IGF2BP2: variants seen among roughly 807,000 people sequenced by gnomAD.
IGF2BP2 encodes insulin like growth factor 2 mRNA binding protein 2, also known as insulin-like growth factor 2 mRNA-binding protein 2.
In IGF2BP2, 17 loss-of-function variants were observed where a neutral mutation model predicts 75.8. The observed-to-expected ratio is 0.22, with a 90% CI of 0.15 to 0.34. IGF2BP2 has a LOEUF of 0.34. Ranked by LOEUF, IGF2BP2 falls within the 10% of genes least tolerant of loss-of-function variation. The pLI is 1.00. For missense variants in IGF2BP2, 516 were observed against 772.4 expected (o/e 0.67, Z 3.93); for synonymous variants, 288 against 295.6 (o/e 0.97, Z 0.26).
chr3:185,751,731 G>A lies in IGF2BP2; in HGVS notation c.240-53384C>T, dbSNP rs1486375583. ...TGTAATCCCAGCACTTTGGGAGGCC[G>A]AGACGGGCGGATCACGAGGTCAAGA... On this transcript the variant is annotated intron_variant, in intron 2 of 15. Coordinates refer to ENST00000382199, the MANE Select transcript of IGF2BP2 (RefSeq NM_006548.6). Among the ~76,000 whole-genome samples, 4 of 152,036 alleles carry A rather than the reference G, an allele frequency of 2.6e-5. No individual in the cohort carries two copies. The East Asian group carries it at 7.8e-4, about 29-fold the overall frequency.
chr3:185,683,177 T>C (rs891871438), intron 7 of IGF2BP2, among the ~76,000 whole-genome samples: 5 of 152,100 alleles, frequency 3.3e-5, no homozygotes, highest in Non-Finnish European at 7.4e-5. Flanking sequence ...CAAAGTAAAA[T>C]AAGCCAGTCA....
chr3:185,677,545 T>G (rs1719744653), intron 7 of IGF2BP2, among the ~76,000 whole-genome samples: 1 of 151,990 alleles, frequency 6.6e-6, no homozygotes, highest in Admixed American at 6.6e-5. Flanking sequence ...ACAAAAAAAC[T>G]TACTAGGCAT....
chr3:185,683,689 A>G (rs916999295), intron 7 of IGF2BP2, among the ~76,000 whole-genome samples: 7 of 152,158 alleles, frequency 4.6e-5, no homozygotes, highest in Non-Finnish European at 7.4e-5. Context: ...GATTACAGGC[A>G]TGAGACACCA....
chr3:185,678,877 T>A (rs932271006), intron 7 of IGF2BP2, among the ~76,000 whole-genome samples: 1 of 152,196 alleles, frequency 6.6e-6, no homozygotes, highest in African/African-American at 2.4e-5. Context: ...TTGTATAACG[T>A]CCCTCTTTGT....
rs144038198 is a variant in IGF2BP2, at chr3:185,714,357, A to G, written c.240-16010T>C. 1.3e-3 allele frequency among the ~76,000 whole-genome samples: 197 copies of G among 152,336 alleles called. 1 individual carries two copies. Among genetic ancestry groups the G allele is most frequent in the African/African-American group, 4.2e-3 (173 of 41,578 alleles). On this transcript the variant is annotated intron_variant, in intron 2 of 15. Coordinates refer to ENST00000382199, the MANE Select transcript of IGF2BP2 (RefSeq NM_006548.6). Reference sequence around the variant, plus strand: ...TTTCCAAAAAGTAAGTAAATGCTGCAATGAATATCTATTCATCTATCATCT... The same window carrying G: ...TTTCCAAAAAGTAAGTAAATGCTGCGATGAATATCTATTCATCTATCATCT...
In IGF2BP2 at chr3:185,776,022, T is replaced by A. The variant is rs138240652; in HGVS notation, c.239+47131A>T. 6.0e-3 allele frequency among the ~76,000 whole-genome samples: 918 copies of A among 152,266 alleles called. 10 individuals are homozygous for A. Among genetic ancestry groups the A allele is most frequent in the African/African-American group, 0.021 (882 of 41,530 alleles). On this transcript the variant is annotated intron_variant, in intron 2 of 15. Transcript: ENST00000382199. ...ACTTTGGGTGGCCAAGGCGGGATAA[T>A]CACTTGAGCCCAGGAGTTTGAGACG... is the stretch of plus-strand genomic sequence containing the variant.
At chr3:185,680,265 G>A (rs978032087) in intron 7 of IGF2BP2, among the ~76,000 whole-genome samples, 3 of 152,080 alleles carry the variant, frequency 2.0e-5, no homozygotes, top group Non-Finnish European at 4.4e-5. Flanking sequence ...ATGAAGAAAT[G>A]GAAAGTCTGA....
intron 3 of IGF2BP2, 30 bp from the exon 4 acceptor site, chr3:185,696,693 G>C (rs2149351856): frequency 1.3e-6 from 2 of 1,594,776 alleles, no homozygotes; most frequent in Non-Finnish European, 1.7e-6. Flanking sequence ...TGTCAGAATG[G>C]GAAGGCAAGA....
chr3:185,761,888 CACGGAGTGAAAA>C (rs1196152465), intron 2 of IGF2BP2, among the ~76,000 whole-genome samples: 1 of 152,210 alleles, frequency 6.6e-6, no homozygotes, highest in African/African-American at 2.4e-5. Flanking sequence ...TCCAAGGGGG[CACGGAGTGAAAA>C]ACGTGTTATT....
At chr3:185,717,857 G>A (rs184477102) in intron 2 of IGF2BP2, 2 of 152,354 alleles carry the variant, frequency 1.3e-5, no homozygotes, top group East Asian at 3.9e-4. Flanking sequence ...AGTTTATAAG[G>A]CTAAAAACCC....
At chr3:185,696,733 T>C (rs1214734574) in intron 3 of IGF2BP2, 70 bp from the exon 4 acceptor site, 2 of 1,221,648 alleles carry the variant, frequency 1.6e-6, no homozygotes, top group Non-Finnish European at 1.2e-6. Context: ...TACAGTGATA[T>C]ACCCCAGCAA....
intron 2 of IGF2BP2, among the ~76,000 whole-genome samples, chr3:185,709,641 C>T (rs1224144576): frequency 1.3e-5 from 2 of 152,202 alleles, no homozygotes; most frequent in African/African-American, 2.4e-5. Flanking sequence ...TATTCATGAT[C>T]GTCATGGTGA....
At chr3:185,754,660 G>C (rs1731373623) in intron 2 of IGF2BP2, among the ~76,000 whole-genome samples, 1 of 152,176 alleles carries the variant, frequency 6.6e-6, no homozygotes. Flanking sequence ...TATGGACAGT[G>C]AAGTCCAGGC....
At chr3:185,824,557 G>A (rs536019329) in intron 1 of IGF2BP2, among the ~76,000 whole-genome samples, 1 of 150,152 alleles carries the variant, frequency 6.7e-6, no homozygotes, top group Non-Finnish European at 1.5e-5. Flanking sequence ...GGCGCCCCAA[G>A]GCTGCGGCCC....
At chr3:185,690,692 C>G (rs148088418) in intron 5 of IGF2BP2, among the ~76,000 whole-genome samples, 1 of 152,284 alleles carries the variant, frequency 6.6e-6, no homozygotes, top group East Asian at 1.9e-4. Flanking sequence ...CAGTGGGCCC[C>G]TGGAATGGTT....
chr3:185,824,994 GC>G lies in IGF2BP2; in HGVS notation c.-35del. ...TCCCCGAGAGCCCGCGGCTCCCCCG[GC>G]CCGGTACCCGGCGCTCCTCGCCTCC... On this transcript the variant is annotated 5_prime_UTR_variant, in exon 1 of 16. Transcript: ENST00000382199. 6.9e-7 allele frequency: 1 copy of G among 1,448,554 alleles called. No individual in the cohort carries two copies. The highest frequency in any genetic ancestry group is 9.2e-7 in the Non-Finnish European group (1 of 1,082,016). 89.7% of individuals were successfully genotyped at this position (1,448,554 alleles called of 1,614,324 possible).
chr3:185,821,514 T>C (rs1741374495), intron 2 of IGF2BP2, among the ~76,000 whole-genome samples: 1 of 152,222 alleles, frequency 6.6e-6, no homozygotes. Flanking sequence ...AAGTAGTACA[T>C]TTGTGAGAAG....
chr3:185,713,657 T>A (rs1212558465), intron 2 of IGF2BP2, among the ~76,000 whole-genome samples: 1 of 152,200 alleles, frequency 6.6e-6, no homozygotes, highest in African/African-American at 2.4e-5. Context: ...ACTCAACTGG[T>A]ATATTTGAAA....
intron 13 of IGF2BP2, 42 bp from the exon 14 acceptor site, chr3:185,649,576 C>T (rs765613789): frequency 1.2e-6 from 2 of 1,610,096 alleles, no homozygotes; most frequent in Admixed American, 1.7e-5. Flanking sequence ...AGTCAGCCAG[C>T]AGCCGGCCAC....
Sources: gnomAD v4.1 joint callset for allele counts (sites outside exome capture counted in the v4.1 genomes callset) on GRCh38, gnomAD v4.1.1 for gene constraint, MANE v1.5 for transcripts, NCBI Gene and HGNC (gene_info 2026-07-23, HGNC 2026-07-21) for gene names.